PAPPA2: variants seen among roughly 807,000 people sequenced by gnomAD.
PAPPA2 encodes the protein pappalysin-2.
In PAPPA2, 86 loss-of-function variants were observed where a neutral mutation model predicts 176.4. The observed-to-expected ratio is 0.49, with a 90% CI of 0.41 to 0.58. PAPPA2 has a LOEUF of 0.58. Ranked by LOEUF, PAPPA2 falls within the 20% of genes least tolerant of loss-of-function variation. The probability of loss-of-function intolerance (pLI) is 0.00; values close to 1 mark genes in which losing one functional copy is unlikely to be tolerated. For missense variants in PAPPA2, 2,073 were observed against 2,256.9 expected, an observed-to-expected ratio of 0.92 and a Z score of 1.65; for synonymous variants, 809 against 852.2, an observed-to-expected ratio of 0.95 and a Z score of 0.88.
At chr1:176,530,957 G>A (rs1649776523) in intron 1 of PAPPA2, among the ~76,000 whole-genome samples, 1 of 152,062 alleles carries the variant, frequency 6.6e-6, no homozygotes, top group African/African-American at 2.4e-5. Flanking sequence ...TTCCAACTGG[G>A]AGAATCAATT....
intron 1 of PAPPA2, among the ~76,000 whole-genome samples, chr1:176,506,222 T>C (rs1413268980): frequency 6.6e-6 from 1 of 152,174 alleles, no homozygotes; most frequent in Non-Finnish European, 1.5e-5. Flanking sequence ...TCTGTTTTTG[T>C]ACCAATACCA....
At chr1:176,802,853 T>C (rs538987619) in intron 21 of PAPPA2, among the ~76,000 whole-genome samples, 1 of 152,336 alleles carries the variant, frequency 6.6e-6, no homozygotes, top group South Asian at 2.1e-4. Flanking sequence ...TTATCCACTA[T>C]TCTGTGCTGC....
chr1:176,575,799 T>C (rs1485919975), intron 2 of PAPPA2, among the ~76,000 whole-genome samples: 1 of 152,240 alleles, frequency 6.6e-6, no homozygotes, highest in Admixed American at 6.5e-5. Flanking sequence ...TGGTTTATTG[T>C]AGAAGTTTAA....
intron 17 of PAPPA2, among the ~76,000 whole-genome samples, chr1:176,781,871 T>A (rs955806284): frequency 6.6e-6 from 1 of 152,182 alleles, no homozygotes; most frequent in African/African-American, 2.4e-5. Context: ...TAAAGTGTAT[T>A]CGGAGTGAAA....
Position 176,842,535 on chromosome 1 carries a change from TGAA to T in PAPPA2, c.*88_*90del, listed in dbSNP as rs1221041779. On this transcript the variant is annotated 3_prime_UTR_variant, in exon 23 of 23. Coordinates refer to ENST00000367662, the MANE Select transcript of PAPPA2 (RefSeq NM_020318.3). ...GACCCAGGAGGAAACAAAGGGTGAA[TGAA>T]GAAGAACAATCATGAAATGGAAGAA... The T allele has an allele frequency of 5.6e-6, 7 of 1,242,750 alleles. No homozygotes were observed. In the African/African-American group the frequency reaches 6.0e-5, roughly 11 times the overall value. 77.0% of individuals were successfully genotyped at this position (1,242,750 alleles called of 1,614,324 possible).
At chr1:176,703,376 G>C (rs1253127145) in intron 9 of PAPPA2, among the ~76,000 whole-genome samples, 1 of 152,046 alleles carries the variant, frequency 6.6e-6, no homozygotes, top group African/African-American at 2.4e-5. Flanking sequence ...AATTCATTCT[G>C]GTTTGCCTGG....
At chr1:176,632,444 G>A (rs1656396195) in intron 3 of PAPPA2, among the ~76,000 whole-genome samples, 1 of 151,980 alleles carries the variant, frequency 6.6e-6, no homozygotes, top group Admixed American at 6.6e-5. Context: ...CAGGAGAATG[G>A]CGTGAACCCG....
At chr1:176,590,285 T>A (rs1464445968) in intron 2 of PAPPA2, among the ~76,000 whole-genome samples, 1 of 152,236 alleles carries the variant, frequency 6.6e-6, no homozygotes, top group Admixed American at 6.5e-5. Flanking sequence ...AACTGGTTCA[T>A]CAGAGCCAAT....
chr1:176,471,352 C>T (rs1297573977), intron 1 of PAPPA2, among the ~76,000 whole-genome samples: 1 of 152,144 alleles, frequency 6.6e-6, no homozygotes, highest in African/African-American at 2.4e-5. Flanking sequence ...GTTATACTAC[C>T]TCTGTGAAGC....
chr1:176,721,463 T>G (rs1337638747), intron 12 of PAPPA2, among the ~76,000 whole-genome samples: 2 of 152,220 alleles, frequency 1.3e-5, no homozygotes, highest in African/African-American at 4.8e-5. Flanking sequence ...AATGTGGGCC[T>G]GCTGGCAATG....
chr1:176,653,281 C>T (rs917986958), intron 3 of PAPPA2, among the ~76,000 whole-genome samples: 1 of 151,754 alleles, frequency 6.6e-6, no homozygotes, highest in Non-Finnish European at 1.5e-5. Context: ...CCCCATTCCA[C>T]TTCATTCAGA....
intron 3 of PAPPA2, among the ~76,000 whole-genome samples, chr1:176,601,431 A>G (rs1654315214): frequency 6.6e-6 from 1 of 152,202 alleles, no homozygotes; most frequent in Non-Finnish European, 1.5e-5. Context: ...AAACGCTCTG[A>G]GAGGAGAGAG....
At chr1:176,599,708 C>G (rs1288687612) in intron 3 of PAPPA2, among the ~76,000 whole-genome samples, 1 of 151,660 alleles carries the variant, frequency 6.6e-6, no homozygotes, top group Non-Finnish European at 1.5e-5. Context: ...ATATCCGATG[C>G]ATCTGAAGTC....
chr1:176,571,162 T>G (rs1652306344), intron 2 of PAPPA2, among the ~76,000 whole-genome samples: 1 of 152,130 alleles, frequency 6.6e-6, no homozygotes, highest in African/African-American at 2.4e-5. Flanking sequence ...CTCCTGACTC[T>G]CCAGAATGAA....
Position 176,740,171 on chromosome 1 carries a change from G to C in PAPPA2, c.4126G>C (p.Glu1376Gln), listed in dbSNP as rs376402363. ...SAPSNCISED[E>Q]GQNHQGQSCI... ...TCCCAGTAACTGCATCTCAGAGGACGAGGGGCAGAATCATCAGGGACAGAG... is the reference window on the plus strand; with the variant it reads ...TCCCAGTAACTGCATCTCAGAGGACCAGGGGCAGAATCATCAGGGACAGAG... The change falls in exon 14 of 23, where the codon GAG becomes CAG. Residue 1376 changes from glutamate to glutamine, a missense_variant. Around this residue, in one of 4 missense-constraint regions of PAPPA2, gnomAD observed 846 missense variants for 857.9 expected, o/e 0.99. Coordinates refer to ENST00000367662, the MANE Select transcript of PAPPA2 (RefSeq NM_020318.3). 1.2e-6 allele frequency: 2 copies of C among 1,613,734 alleles called. No individual in the cohort carries two copies. Among genetic ancestry groups the C allele is most frequent in the East Asian group, 4.5e-5 (2 of 44,850 alleles).
At chr1:176,764,751 C>A (rs1038378198) in intron 14 of PAPPA2, among the ~76,000 whole-genome samples, 4 of 152,166 alleles carry the variant, frequency 2.6e-5, no homozygotes, top group African/African-American at 7.2e-5. Flanking sequence ...TGCCTGCAAC[C>A]ACATCCGGCT....
At chr1:176,566,226 A>C (rs1651970941) in intron 2 of PAPPA2, among the ~76,000 whole-genome samples, 1 of 152,056 alleles carries the variant, frequency 6.6e-6, no homozygotes, top group Non-Finnish European at 1.5e-5. Flanking sequence ...TCTGACTCAC[A>C]GGGTTAGATC....
chr1:176,557,015 C>A lies in PAPPA2; in HGVS notation c.693C>A (p.Val231=). The A allele has an allele frequency of 6.2e-7, 1 of 1,613,962 alleles. No homozygotes were observed. Among genetic ancestry groups the A allele is most frequent in the South Asian group, 1.1e-5 (1 of 91,054 alleles). ...PWPKHSLKHR[V]KKSPPEESNQ... ...CCAAGCATTCCCTTAAACACAGGGT[C>A]AAAAAGAGTCCACCGGAGGAAAGCA... Residue 231 remains valine, a synonymous_variant, in exon 2 of 23, where the codon GTC becomes GTA. Transcript: ENST00000367662.
chr1:176,641,760 C>CGGGA (rs1657106288), intron 3 of PAPPA2, among the ~76,000 whole-genome samples: 1 of 151,868 alleles, frequency 6.6e-6, no homozygotes, highest in Admixed American at 6.6e-5. Context: ...TTATGAAAAC[C>CGGGA]TTCTTGAGGA....
Sources: gnomAD v4.1 joint callset for allele counts (sites outside exome capture counted in the v4.1 genomes callset) on GRCh38, gnomAD v4.1.1 for gene constraint, gnomAD v4.1.1 regional missense constraint, MANE v1.5 for transcripts, NCBI Gene and HGNC (gene_info 2026-07-23, HGNC 2026-07-21) for gene names.